The following RCN2 variants were observed in gnomAD, a reference collection of about 807,000 sequenced individuals.
RCN2 encodes the protein reticulocalbin 2.
RCN2 carries 23 observed loss-of-function variants against 37.5 expected under a neutral mutation model. The observed-to-expected ratio is 0.61, with a 90% confidence interval of 0.44 to 0.87. RCN2 has a LOEUF of 0.87. Ranked by LOEUF, RCN2 falls within the 40% of genes least tolerant of loss-of-function variation. The pLI is 0.00. For missense variants in RCN2, 381 were observed against 390.4 expected (o/e 0.98, Z 0.20); for synonymous variants, 140 against 144.6 (o/e 0.97, Z 0.23).
At position 76,951,023 on chromosome 15, in the gene RCN2, A is replaced by C. The variant is rs188364420; in HGVS notation, c.*1801A>C. ...GCAGTTTTAGAATTACAGATTTACC[A>C]CTATCACTCATCTGTCATTTGTCAG... On this transcript the variant is annotated 3_prime_UTR_variant, in exon 7 of 7. Transcript: ENST00000394885. The C allele has an allele frequency of 6.6e-6, 1 of 152,202 alleles. No homozygotes were observed. The highest frequency in any genetic ancestry group is 1.5e-5 in the Non-Finnish European group (1 of 68,040). 9.4% of individuals were successfully genotyped at this position (152,202 alleles called of 1,614,324 possible).
At chr15:76,944,967 G>A (rs775446727) in intron 4 of RCN2, among the ~76,000 whole-genome samples, 3 of 152,200 alleles carry the variant, frequency 2.0e-5, no homozygotes, top group Non-Finnish European at 2.9e-5. Context: ...GTTCTCCATA[G>A]TGGTTGTATG....
At chr15:76,946,437 A>G (rs1196446215) in intron 4 of RCN2, among the ~76,000 whole-genome samples, 1 of 151,576 alleles carries the variant, frequency 6.6e-6, no homozygotes, top group Non-Finnish European at 1.5e-5. Flanking sequence ...TGACAGAATG[A>G]GATCCTATGT....
chr15:76,943,725 TG>T, intron 3 of RCN2, 32 bp from the exon 4 acceptor site: 1 of 1,093,144 alleles, frequency 9.1e-7, no homozygotes, highest in Non-Finnish European at 1.4e-6. Context: ...TAAAATGATG[TG>T]GTATACTAAT....
At chr15:76,945,870 C>T (rs1237337414) in intron 4 of RCN2, among the ~76,000 whole-genome samples, 1 of 152,120 alleles carries the variant, frequency 6.6e-6, no homozygotes, top group Non-Finnish European at 1.5e-5. Context: ...GAATACATGA[C>T]CCAGTTTAAG....
chr15:76,940,437 C>G (rs1054243764), intron 3 of RCN2, among the ~76,000 whole-genome samples: 6 of 151,404 alleles, frequency 4.0e-5, no homozygotes, highest in African/African-American at 1.5e-4. Flanking sequence ...AAACACTATA[C>G]CATAAATAAA....
intron 3 of RCN2, chr15:76,941,933 A>G (rs2075278096): frequency 3.1e-6 from 1 of 325,598 alleles, no homozygotes; most frequent in Non-Finnish European, 5.5e-6. Flanking sequence ...GTTTATTCAA[A>G]AAGAACTTGA....
Position 76,932,367 on chromosome 15 carries a change from G to A in RCN2, c.151G>A (p.Val51Met). The A allele has an allele frequency of 6.2e-7, 1 of 1,613,006 alleles. No homozygotes were observed. The highest frequency in any genetic ancestry group is 2.2e-5 in the East Asian group (1 of 44,856). The change falls in exon 2 of 7, where the codon GTG becomes ATG. Residue 51 changes from valine to methionine, a missense_variant. Transcript: ENST00000394885. ...GTGTCGCTTCCCCCTAAAGGAAGAT[G>A]TGGATGAATATGTTAAACTCGGCCA... ...REALLGVQED[V>M]DEYVKLGHEE...
intron 3 of RCN2, among the ~76,000 whole-genome samples, chr15:76,940,546 C>CTTT (rs11463370): frequency 2.3e-4 from 28 of 119,624 alleles, no homozygotes; most frequent in East Asian, 4.7e-4. Flanking sequence ...TGAACTTCAC[C>CTTT]TTTTTTTTTT....
In RCN2 at chr15:76,944,893, C is replaced by T. The variant is rs140186244; in HGVS notation, c.561+1022C>T. ...GTTTCCTTTCTTTTGGGTATATACC[C>T]AGCAGTGGGATTGCTGGATCATATG... On this transcript the variant is annotated intron_variant, in intron 4 of 6. Coordinates refer to ENST00000394885, the MANE Select transcript of RCN2 (RefSeq NM_002902.3). Among the ~76,000 whole-genome samples the T allele has an allele frequency of 1.5e-3, 229 of 152,284 alleles. 2 individuals are homozygous for T. The highest frequency in any genetic ancestry group is 5.0e-3 in the African/African-American group (208 of 41,554).
In RCN2 at chr15:76,932,456, T is replaced by C; in HGVS notation, c.240T>C (p.Phe80=). 6.3e-7 allele frequency: 1 copy of C among 1,599,692 alleles called. No individual in the cohort carries two copies. The highest frequency in any genetic ancestry group is 8.5e-7 in the Non-Finnish European group (1 of 1,172,402). ...IKKIDLDSDG[F]LTESELSSWI... is the part of the protein sequence containing the mutation. ...AAATCGACTTGGACTCAGATGGCTTTCTCACTGAAAGTAAGGACTGCCCTA... is the reference window on the plus strand; with the variant it reads ...AAATCGACTTGGACTCAGATGGCTTCCTCACTGAAAGTAAGGACTGCCCTA... Residue 80 remains phenylalanine, a synonymous_variant, in exon 2 of 7, where the codon TTT becomes TTC. Transcript: ENST00000394885.
chr15:76,943,782 T>A lies in RCN2; in HGVS notation c.472T>A (p.Phe158Ile), dbSNP rs2075284699. ...GCTTCACTTAAAGGACAAGAAGCGA[T>A]TTGAAAAAGCTAACCAGGATTCAGG... is the stretch of plus-strand genomic sequence containing the variant. The part of the protein sequence containing the change: ...RKLHLKDKKR[F>I]EKANQDSGPG... Residue 158 changes from phenylalanine to isoleucine, a missense_variant, in exon 4 of 7, where the codon TTT (phenylalanine) becomes ATT (isoleucine). By Grantham distance (21) the Phe-to-Ile change is conservative. Coordinates refer to ENST00000394885, the MANE Select transcript of RCN2 (RefSeq NM_002902.3). The A allele has an allele frequency of 6.2e-7, 1 of 1,606,116 alleles. No individual in the cohort carries two copies. Among genetic ancestry groups the A allele is most frequent in the African/African-American group, 1.3e-5 (1 of 74,788 alleles).
rs1029100491 is a variant in RCN2 at position 76,933,035 on chromosome 15, C to G, written c.250+569C>G. 8.6e-5 allele frequency among the ~76,000 whole-genome samples: 13 copies of G among 152,042 alleles called. No individual in the cohort carries two copies. In the East Asian group the frequency reaches 2.5e-3, roughly 29 times the overall value. ...ATAAGTGGCAAAGCTGGACTAGAATCCAGGTATCCTGCTCTTAATTCAGGT... is the reference window on the plus strand; with the variant it reads ...ATAAGTGGCAAAGCTGGACTAGAATGCAGGTATCCTGCTCTTAATTCAGGT... On this transcript the variant is annotated intron_variant, in intron 2 of 6. Coordinates refer to ENST00000394885, the MANE Select transcript of RCN2 (RefSeq NM_002902.3).
chr15:76,951,398 C>G lies in RCN2; in HGVS notation c.*2176C>G, dbSNP rs1344995592. On this transcript the variant is annotated 3_prime_UTR_variant, in exon 7 of 7. Coordinates refer to ENST00000394885, the MANE Select transcript of RCN2 (RefSeq NM_002902.3). ...GCCACAAGATGAAAGTGGCTTTGAT[C>G]TTGAGTCTGTGTAGGTCAGCTGGAT... 1 of 152,216 alleles carries G rather than the reference C, an allele frequency of 6.6e-6. No individual in the cohort carries two copies. The highest frequency in any genetic ancestry group is 2.4e-5 in the African/African-American group (1 of 41,442). The allele number at this position is 152,216 out of a possible 1,614,324, so 9.4% of individuals were successfully genotyped here.
chr15:76,936,899 A>G (rs1043087556), intron 3 of RCN2, among the ~76,000 whole-genome samples: 26 of 152,272 alleles, frequency 1.7e-4, no homozygotes, highest in African/African-American at 6.0e-4. Flanking sequence ...TTTTCATCTT[A>G]CAGAGTGGAG....
Position 76,950,803 on chromosome 15 carries a change from A to G in RCN2, c.*1581A>G, listed in dbSNP as rs1169015882. ...TCATATACAGCACACTGGGGGCTCAACAAGTACCTATGACTATTTGAGAAG... is the reference window on the plus strand; with the variant it reads ...TCATATACAGCACACTGGGGGCTCAGCAAGTACCTATGACTATTTGAGAAG... On this transcript the variant is annotated 3_prime_UTR_variant, in exon 7 of 7. Coordinates refer to ENST00000394885, the MANE Select transcript of RCN2 (RefSeq NM_002902.3). The G allele has an allele frequency of 2.0e-5, 3 of 152,228 alleles. No individual in the cohort carries two copies. The highest frequency in any genetic ancestry group is 4.4e-5 in the Non-Finnish European group (3 of 68,054). The allele number at this position is 152,228 out of a possible 1,614,324, so 9.4% of individuals were successfully genotyped here.
At chr15:76,937,867 A>G (rs1161190454) in intron 3 of RCN2, among the ~76,000 whole-genome samples, 1 of 152,238 alleles carries the variant, frequency 6.6e-6, no homozygotes, top group Non-Finnish European at 1.5e-5. Flanking sequence ...CTATTAAACT[A>G]AAAGTATATC....
chr15:76,946,321 A>C (rs1364940304), intron 4 of RCN2, among the ~76,000 whole-genome samples: 1 of 151,908 alleles, frequency 6.6e-6, no homozygotes, highest in Non-Finnish European at 1.5e-5. Flanking sequence ...GGTGGCATGC[A>C]CCTGTGGTCC....
Position 76,949,184 on chromosome 15 carries a change from C to T in RCN2, c.916C>T (p.Gln306Ter), listed in dbSNP as rs2075308760. Reference sequence around the variant, plus strand: ...CAGTGAAGCCACAGATTATGGCAGACAGCTCCATGATGACTATTTCTATCA... The same window carrying T: ...CAGTGAAGCCACAGATTATGGCAGATAGCTCCATGATGACTATTTCTATCA... ...LTSEATDYGR[Q>*]LHDDYFYHDE... The change falls in exon 7 of 7, where the codon CAG becomes TAG. Residue 306 changes from glutamine to a stop codon, truncating the protein, a stop_gained. Transcript: ENST00000394885. LOFTEE classifies it high-confidence loss of function. 1.2e-6 allele frequency: 2 copies of T among 1,612,598 alleles called. No individual in the cohort carries two copies. The highest frequency in any genetic ancestry group is 1.3e-5 in the African/African-American group (1 of 74,888).
rs2075331405 is a variant in RCN2 at position 76,953,566 on chromosome 15, TATATATATATATATATATATATA to T, written c.*4345_*4367del. 6.5e-5 allele frequency: 1 copy of T among 15,400 alleles called. No homozygotes were observed. Among genetic ancestry groups the T allele is most frequent in the African/African-American group, 3.0e-4 (1 of 3,376 alleles). 1.0% of individuals were successfully genotyped at this position (15,400 alleles called of 1,614,324 possible). On this transcript the variant is annotated 3_prime_UTR_variant, in exon 7 of 7. Coordinates refer to ENST00000394885, the MANE Select transcript of RCN2 (RefSeq NM_002902.3). Reference sequence around the variant, plus strand: ...ATCATATAGTAATTCTATATATATATATATATATATATATATATATATATATATTTTTTTTTTTTTTTTTTTTT... The same window carrying T: ...ATCATATAGTAATTCTATATATATATTATATTTTTTTTTTTTTTTTTTTTT...
Sources: allele counts gnomAD v4.1 joint callset (sites outside exome capture counted in the v4.1 genomes callset), GRCh38; gene constraint gnomAD v4.1.1; transcripts MANE v1.5; gene names NCBI Gene and HGNC (gene_info 2026-07-23, HGNC 2026-07-21).